PLXNA1: variants seen among roughly 807,000 people sequenced by gnomAD.
The protein encoded by PLXNA1 is plexin-A1.
In PLXNA1, 77 loss-of-function variants were observed where a neutral mutation model predicts 191.7. The observed-to-expected ratio is 0.40, with a 90% confidence interval of 0.33 to 0.49. The LOEUF (loss-of-function observed/expected upper bound fraction) is 0.49. PLXNA1 is among the 20% of genes least tolerant of loss of function. The pLI is 0.63. For missense variants in PLXNA1, 2,110 were observed against 2,660.2 expected, an observed-to-expected ratio of 0.79 and a Z score of 4.55; for synonymous variants, 1,137 against 1,156.4, an observed-to-expected ratio of 0.98 and a Z score of 0.34.
rs772590873 is a variant in PLXNA1, at chr3:127,005,223, C to T, written c.1877C>T (p.Ala626Val). 5.6e-6 allele frequency: 9 copies of T among 1,608,950 alleles called. No homozygotes were observed. The highest frequency in any genetic ancestry group is 4.5e-5 in the East Asian group (2 of 44,720). ...HCRSPSAREV[A>V]PITRGQGDQR... ...CGCTCACCCTCCGCCCGGGAGGTGGCGCCCATCACGCGGGGCCAGGGTGAG... is the reference window on the plus strand; with the variant it reads ...CGCTCACCCTCCGCCCGGGAGGTGGTGCCCATCACGCGGGGCCAGGGTGAG... The change falls in exon 7 of 32, where the codon GCG becomes GTG. Residue 626 changes from alanine to valine, a missense_variant. By Grantham distance (64) the Ala-to-Val change is moderately conservative (BLOSUM62 0). This residue lies in a region of PLXNA1 where 903 missense variants were observed against 1,015.7 expected (regional missense o/e 0.89). Coordinates refer to ENST00000393409, the MANE Select transcript of PLXNA1 (RefSeq NM_032242.4).
In PLXNA1 at chr3:127,022,231, G is replaced by C. The variant is rs1021917643; in HGVS notation, c.4185G>C (p.Thr1395=). The C allele has an allele frequency of 6.2e-7, 1 of 1,613,302 alleles. No homozygotes were observed. The highest frequency in any genetic ancestry group is 8.5e-7 in the Non-Finnish European group (1 of 1,179,990). ...DRGNVASLIM[T]ALQGEMEYAT... The stretch of plus-strand genomic sequence containing the variant: ...GGAATGTGGCCTCGCTCATCATGAC[G>C]GCCCTGCAGGGCGAGATGGAATACG... The change falls in exon 22 of 32, where the codon ACG becomes ACC. Residue 1395 remains threonine (T), a synonymous_variant. Coordinates refer to ENST00000393409, the MANE Select transcript of PLXNA1 (RefSeq NM_032242.4).
chr3:126,988,577 C>T lies in PLXNA1; in HGVS notation c.-17C>T, dbSNP rs1396365291. ...CCAGCAGGACCAGAGCACCGAGGCC[C>T]AAGGCCCCAGCCTGCCATGCCGCTG... On this transcript the variant is annotated 5_prime_UTR_variant, in exon 2 of 32. Coordinates refer to ENST00000393409, the MANE Select transcript of PLXNA1 (RefSeq NM_032242.4). 1.4e-6 allele frequency: 2 copies of T among 1,473,808 alleles called. No homozygotes were observed. The highest frequency in any genetic ancestry group is 1.8e-6 in the Non-Finnish European group (2 of 1,116,778). 91.3% of individuals were successfully genotyped at this position (1,473,808 alleles called of 1,614,324 possible). A position where few individuals can be genotyped will look rare whatever the true frequency, so the allele number is the denominator to read the frequency against.
chr3:126,988,642 T>TTGC lies in PLXNA1; in HGVS notation c.62_64dup (p.Leu21dup), dbSNP rs760987780. On this transcript the variant is annotated inframe_insertion, in exon 2 of 32. Coordinates refer to ENST00000393409, the MANE Select transcript of PLXNA1 (RefSeq NM_032242.4). ...GCAGGTGCTCCTGCTGCTGCTGCTG[T>TTGC]TGCTGCTGCTGCTGCCGGGCATGTG... is the stretch of plus-strand genomic sequence containing the variant. 1.1e-5 allele frequency: 17 copies of TTGC among 1,576,120 alleles called. No individual in the cohort carries two copies. In the South Asian group the frequency reaches 1.4e-4, roughly 13 times the overall value.
At position 127,004,921 on chromosome 3, in the gene PLXNA1, G is replaced by A. The variant is rs373944765; in HGVS notation, c.1656G>A (p.Glu552=). ...SRRDACERAD[E]PQRFAADLLQ... ...GGGACGCCTGTGAGCGAGCAGACGA[G>A]CCCCAGCGCTTTGCTGCGGACCTGC... The change falls in exon 6 of 32, where the codon GAG becomes GAA. Residue 552 remains glutamate, a synonymous_variant. Transcript: ENST00000393409. 1 of 1,607,692 alleles carries A rather than the reference G, an allele frequency of 6.2e-7. No homozygotes were observed. Among genetic ancestry groups the A allele is most frequent in the African/African-American group, 1.3e-5 (1 of 74,844 alleles).
Position 126,989,230 on chromosome 3 carries a change from G to A in PLXNA1, c.637G>A (p.Ala213Thr), listed in dbSNP as rs1266797664. 1 of 1,613,652 alleles carries A rather than the reference G, an allele frequency of 6.2e-7. No individual in the cohort carries two copies. The highest frequency in any genetic ancestry group is 1.1e-5 in the South Asian group (1 of 91,088). The change falls in exon 2 of 32, where the codon GCC becomes ACC. Residue 213 changes from alanine to threonine, a missense_variant. Ala to Thr is a moderately conservative substitution (Grantham distance 58). Coordinates refer to ENST00000393409, the MANE Select transcript of PLXNA1 (RefSeq NM_032242.4). ...TCGGCTCATGGCCAACGAGGAGGATGCCGACATGTTCGGCTTCGTGTACCA... is the reference window on the plus strand; with the variant it reads ...TCGGCTCATGGCCAACGAGGAGGATACCGACATGTTCGGCTTCGTGTACCA... ...SRRLMANEED[A>T]DMFGFVYQDE...
At position 127,006,724 on chromosome 3, in the gene PLXNA1, G is replaced by A. The variant is rs555729261; in HGVS notation, c.1997+546G>A. On this transcript the variant is annotated intron_variant, in intron 8 of 31. Coordinates refer to ENST00000393409, the MANE Select transcript of PLXNA1 (RefSeq NM_032242.4). ...TCCAGGTCCCCTCTGGTTGGTGCTG[G>A]CCCCTGTGCACGCCCCCTGCTTGGG... is the stretch of plus-strand genomic sequence containing the variant. Among the ~76,000 whole-genome samples, 28 of 152,264 alleles carry A rather than the reference G, an allele frequency of 1.8e-4. 1 individual carries two copies. The East Asian group carries it at 4.3e-3, about 23-fold the overall frequency.
At position 127,029,754 on chromosome 3, in the gene PLXNA1, G is replaced by A. The variant is rs577569159; in HGVS notation, c.4871-120G>A. ...ATTATGCCACCTCTGTGGTGTCATC[G>A]GCTGCCCCAAAATCCCACATGGGTG... On this transcript the variant is annotated intron_variant, in intron 27 of 31. Coordinates refer to ENST00000393409, the MANE Select transcript of PLXNA1 (RefSeq NM_032242.4). The A allele has an allele frequency of 2.8e-4, 357 of 1,253,406 alleles. 1 individual carries two copies. The Middle Eastern group carries it at 3.3e-3, about 12-fold the overall frequency. The allele number at this position is 1,253,406 out of a possible 1,614,324, so 77.6% of individuals were successfully genotyped here.
At position 126,989,190 on chromosome 3, in the gene PLXNA1, C is replaced by T. The variant is rs540273647; in HGVS notation, c.597C>T (p.Pro199=). 6.2e-7 allele frequency: 1 copy of T among 1,613,480 alleles called. No homozygotes were observed. The highest frequency in any genetic ancestry group is 1.3e-5 in the African/African-American group (1 of 74,960). Residue 199 remains proline (P), a synonymous_variant, in exon 2 of 32, where the codon CCC becomes CCT. Coordinates refer to ENST00000393409, the MANE Select transcript of PLXNA1 (RefSeq NM_032242.4). ...TCGATGGCAAGTCCGAGTACTTCCCCACACTGTCCAGCCGTCGGCTCATGG... is the reference window on the plus strand; with the variant it reads ...TCGATGGCAAGTCCGAGTACTTCCCTACACTGTCCAGCCGTCGGCTCATGG... ...TPIDGKSEYF[P]TLSSRRLMAN... is the part of the protein sequence containing the mutation.
chr3:127,015,296 G>T lies in PLXNA1; in HGVS notation c.2990G>T (p.Gly997Val). Reference sequence around the variant, plus strand: ...GGCAGTGATGTGGCTGTGTCGGTCGGTGGCCGGCCCTGCTCCTTCTCCTGG... The same window carrying T: ...GGCAGTGATGTGGCTGTGTCGGTCGTTGGCCGGCCCTGCTCCTTCTCCTGG... ...NAGSDVAVSV[G>V]GRPCSFSWRN... Residue 997 changes from glycine (G) to valine (V), a missense_variant, in exon 15 of 32, where the codon GGT becomes GTT. Around this residue, in one of 4 missense-constraint regions of PLXNA1, gnomAD observed 644 missense variants for 714.3 expected, o/e 0.90. Transcript: ENST00000393409. 1.2e-6 allele frequency: 2 copies of T among 1,609,538 alleles called. No individual in the cohort carries two copies. The highest frequency in any genetic ancestry group is 1.7e-6 in the Non-Finnish European group (2 of 1,179,252).
chr3:127,018,927 CAG>C (rs2079139423), intron 20 of PLXNA1, among the ~76,000 whole-genome samples: 7 of 152,172 alleles, frequency 4.6e-5, no homozygotes, highest in Admixed American at 4.6e-4. Context: ...AGCGGAGCAG[CAG>C]AGAGGGGTGC....
In PLXNA1 at chr3:127,004,633, G is replaced by A; in HGVS notation, c.1541G>A (p.Ser514Asn). The A allele has an allele frequency of 6.3e-7, 1 of 1,578,910 alleles. No homozygotes were observed. The highest frequency in any genetic ancestry group is 8.6e-7 in the Non-Finnish European group (1 of 1,162,360). Residue 514 changes from serine (S) to asparagine (N), a missense_variant, in exon 5 of 32, where the codon AGC (serine) becomes AAC (asparagine). Coordinates refer to ENST00000393409, the MANE Select transcript of PLXNA1 (RefSeq NM_032242.4). ...EKQVTRVPVE[S>N]CVQYTSCELC... ...CAGGTGACGCGGGTGCCTGTGGAGA[G>A]CTGTGTGCAGTACACGTCCTGTGAG...
chr3:127,001,609 T>C (rs528089941), intron 3 of PLXNA1, among the ~76,000 whole-genome samples: 2 of 152,350 alleles, frequency 1.3e-5, no homozygotes, highest in Non-Finnish European at 2.9e-5. Context: ...GTCTGCGCAC[T>C]GGGCATACCT....
At chr3:126,992,077 G>A (rs2078993642) in intron 3 of PLXNA1, among the ~76,000 whole-genome samples, 1 of 152,216 alleles carries the variant, frequency 6.6e-6, no homozygotes, top group East Asian at 1.9e-4. Context: ...GCTGGTGCTT[G>A]AGGAGCTCCA....
intron 23 of PLXNA1, among the ~76,000 whole-genome samples, chr3:127,024,429 G>A (rs1014333533): frequency 1.1e-4 from 17 of 152,216 alleles, no homozygotes; most frequent in Admixed American, 1.0e-3. Context: ...AGGCGCTGAG[G>A]GATGTGTGGG....
chr3:126,989,425 T>C lies in PLXNA1; in HGVS notation c.832T>C (p.Phe278Leu). 6.2e-7 allele frequency: 1 copy of C among 1,613,610 alleles called. No individual in the cohort carries two copies. Among genetic ancestry groups the C allele is most frequent in the Non-Finnish European group, 8.5e-7 (1 of 1,180,040 alleles). Residue 278 changes from phenylalanine to leucine, a missense_variant, in exon 2 of 32, where the codon TTC becomes CTC. Transcript: ENST00000393409. ...GCCTGATGCCGCCGGCGAGCACTTC[T>C]TCACGTCCAAGATCGTGCGGCTCTG... ...TSPDAAGEHF[F>L]TSKIVRLCVD...
chr3:126,999,340 C>T (rs989264392), intron 3 of PLXNA1, among the ~76,000 whole-genome samples: 30 of 152,330 alleles, frequency 2.0e-4, no homozygotes, highest in African/African-American at 7.2e-4. Flanking sequence ...TGCCTGTCCC[C>T]ACCTTGTCCT....
intron 23 of PLXNA1, chr3:127,026,633 G>A (rs1015957766): frequency 4.6e-5 from 7 of 152,256 alleles, no homozygotes; most frequent in Admixed American, 2.0e-4. Context: ...AGACAGACAT[G>A]TTGTTGGAAG....
rs372459393 is a variant in PLXNA1, at chr3:127,030,097, G to A, written c.5061+33G>A. ...TGGCTGGCAGATGGGGGCAGGGGAC[G>A]CTGGGCCAACTGAGCTCAGAGAAAG... On this transcript the variant is annotated intron_variant, in intron 28 of 31. Transcript: ENST00000393409. 748 of 1,604,884 alleles carry A rather than the reference G, an allele frequency of 4.7e-4. 5 individuals are homozygous for A. Among genetic ancestry groups the A allele is most frequent in the Admixed American group, 6.2e-4 (37 of 59,848 alleles).
chr3:126,992,698 G>T (rs1346125511), intron 3 of PLXNA1, among the ~76,000 whole-genome samples: 1 of 152,058 alleles, frequency 6.6e-6, no homozygotes, highest in East Asian at 1.9e-4. Flanking sequence ...CCCCCAGGGT[G>T]GGGGTGCCCT....
Sources: gnomAD v4.1 joint callset for allele counts (sites outside exome capture counted in the v4.1 genomes callset) on GRCh38, gnomAD v4.1.1 for gene constraint, gnomAD v4.1.1 regional missense constraint, MANE v1.5 for transcripts, NCBI Gene and HGNC (gene_info 2026-07-23, HGNC 2026-07-21) for gene names.